The following KCMF1 variants were observed in gnomAD, a reference collection of about 807,000 sequenced individuals.
KCMF1 encodes potassium channel modulatory factor 1.
In KCMF1, 3 loss-of-function variants were observed where a neutral mutation model predicts 41.1. The ratio of observed to expected loss-of-function variants is 0.07; its 90% confidence interval spans 0.03 to 0.19. The LOEUF (loss-of-function observed/expected upper bound fraction) is 0.19. Among genes scored for constraint, KCMF1 ranks in the 10% least tolerant of loss-of-function variants. The probability of loss-of-function intolerance (pLI) is 1.00; values close to 1 mark genes in which losing one functional copy is unlikely to be tolerated. For synonymous variants in KCMF1, 142 were observed against 164.5 expected (o/e 0.86, Z 1.04); for missense variants, 286 against 488.9 (o/e 0.58, Z 3.91).
intron 3 of KCMF1, among the ~76,000 whole-genome samples, chr2:85,036,208 C>T (rs1675399331): frequency 6.6e-6 from 1 of 152,170 alleles, no homozygotes; most frequent in Admixed American, 6.5e-5. Flanking sequence ...AGACATCAAG[C>T]CAAATTTTGC....
chr2:85,015,914 C>A (rs1249011043), intron 1 of KCMF1, among the ~76,000 whole-genome samples: 1 of 152,138 alleles, frequency 6.6e-6, no homozygotes, highest in East Asian at 1.9e-4. Context: ...GTGTCCTCAG[C>A]AAATATTTTT....
intron 1 of KCMF1, among the ~76,000 whole-genome samples, chr2:84,991,418 C>T (rs1198820496): frequency 2.0e-5 from 3 of 152,196 alleles, no homozygotes; most frequent in African/African-American, 7.2e-5. Context: ...AATACATGCT[C>T]AGCAGCAATA....
At chr2:84,992,847 C>G (rs1487078523) in intron 1 of KCMF1, among the ~76,000 whole-genome samples, 1 of 152,232 alleles carries the variant, frequency 6.6e-6, no homozygotes, top group East Asian at 1.9e-4. Context: ...GTCTCGATCT[C>G]CTGACCTTGT....
In KCMF1 at chr2:85,043,552, CT is replaced by C. The variant is rs767316137; in HGVS notation, c.325-10del. The stretch of plus-strand genomic sequence containing the variant: ...TTCATTTATTAAGCTGCTTTCTTTA[CT>C]TCCATTTCAGATTTGTCCAATATGT... On this transcript the variant is annotated splice_polypyrimidine_tract_variant and intron_variant, in intron 3 of 6. Coordinates refer to ENST00000409785, the MANE Select transcript of KCMF1 (RefSeq NM_020122.5). The C allele has an allele frequency of 6.6e-6, 10 of 1,523,110 alleles. No individual in the cohort carries two copies. The East Asian group carries it at 2.0e-4, about 31-fold the overall frequency. The allele number at this position is 1,523,110 out of a possible 1,614,324, so 94.3% of individuals were successfully genotyped here. A position where few individuals can be genotyped will look rare whatever the true frequency, so the allele number is the denominator to read the frequency against.
intron 1 of KCMF1, among the ~76,000 whole-genome samples, chr2:85,027,633 C>T (rs1052257346): frequency 1.3e-5 from 2 of 152,024 alleles, no homozygotes; most frequent in Admixed American, 6.6e-5. Context: ...CCTCGACCCC[C>T]GCAAAGTGCT....
intron 1 of KCMF1, among the ~76,000 whole-genome samples, chr2:84,994,363 A>G (rs888409932): frequency 6.6e-6 from 1 of 152,126 alleles, no homozygotes; most frequent in Admixed American, 6.5e-5. Flanking sequence ...GTGTGTGTAT[A>G]TGGAATTGCA....
chr2:84,994,593 G>T (rs1180938661), intron 1 of KCMF1, among the ~76,000 whole-genome samples: 1 of 151,764 alleles, frequency 6.6e-6, no homozygotes, highest in Non-Finnish European at 1.5e-5. Context: ...AGTAGAAACG[G>T]GGTTTCTCCA....
chr2:85,028,784 G>A (rs575162421), intron 2 of KCMF1, among the ~76,000 whole-genome samples: 2 of 151,698 alleles, frequency 1.3e-5, no homozygotes, highest in South Asian at 2.1e-4. Flanking sequence ...CACCGCGCCC[G>A]GCCTTACTTT....
chr2:84,990,026 T>C lies in KCMF1; in HGVS notation c.16+18559T>C, dbSNP rs536329825. Among the ~76,000 whole-genome samples the C allele has an allele frequency of 2.2e-4, 34 of 152,294 alleles. 2 individuals carry two copies. In the East Asian group the frequency reaches 6.6e-3, roughly 29 times the overall value. ...GGAGGACCAGGTGAGAGTATTGGTG[T>C]TGAAACTTAAGAAGATGATTTTCCT... is the stretch of plus-strand genomic sequence containing the variant. On this transcript the variant is annotated intron_variant, in intron 1 of 6. Transcript: ENST00000409785.
intron 1 of KCMF1, among the ~76,000 whole-genome samples, chr2:85,014,369 A>G (rs1323980552): frequency 6.6e-6 from 1 of 152,136 alleles, no homozygotes; most frequent in African/African-American, 2.4e-5. Context: ...TTATCAAAAG[A>G]TATGCTTCAG....
At chr2:85,007,647 A>C (rs1006061918) in intron 1 of KCMF1, among the ~76,000 whole-genome samples, 1 of 152,238 alleles carries the variant, frequency 6.6e-6, no homozygotes, top group Non-Finnish European at 1.5e-5. Context: ...AGCCAAGTCC[A>C]GATAAGATAC....
In KCMF1 at chr2:85,042,052, T is replaced by G. The variant is rs117417961; in HGVS notation, c.325-1512T>G. Among the ~76,000 whole-genome samples the G allele has an allele frequency of 2.4e-4, 36 of 152,338 alleles. No individual in the cohort carries two copies. The East Asian group carries it at 3.1e-3, about 13-fold the overall frequency. On this transcript the variant is annotated intron_variant, in intron 3 of 6. Coordinates refer to ENST00000409785, the MANE Select transcript of KCMF1 (RefSeq NM_020122.5). ...AGAGGAAAGAATCTGACCACCTTCC[T>G]GGCATCTTCTAAGAAAGGCATAGGC...
At chr2:85,035,547 G>T (rs1364318564) in intron 3 of KCMF1, among the ~76,000 whole-genome samples, 6 of 152,142 alleles carry the variant, frequency 3.9e-5, no homozygotes, top group Non-Finnish European at 1.5e-5. Flanking sequence ...AAAACCTTTG[G>T]TAGTATCATA....
chr2:84,997,360 C>T (rs1283220467), intron 1 of KCMF1, among the ~76,000 whole-genome samples: 1 of 152,126 alleles, frequency 6.6e-6, no homozygotes, highest in African/African-American at 2.4e-5. Flanking sequence ...TTATTATAGA[C>T]ATATCCTCTG....
chr2:85,025,149 G>A (rs1675060588), intron 1 of KCMF1, among the ~76,000 whole-genome samples: 1 of 152,100 alleles, frequency 6.6e-6, no homozygotes, highest in South Asian at 2.1e-4. Context: ...TTAAATTTTG[G>A]TTATTAATTG....
At chr2:85,023,821 A>G (rs1057338794) in intron 1 of KCMF1, among the ~76,000 whole-genome samples, 6 of 152,348 alleles carry the variant, frequency 3.9e-5, no homozygotes, top group African/African-American at 4.8e-5. Flanking sequence ...TTACACTCCT[A>G]CCAGCAGGGT....
At chr2:85,005,226 G>A (rs1674438166) in intron 1 of KCMF1, among the ~76,000 whole-genome samples, 2 of 151,060 alleles carry the variant, frequency 1.3e-5, no homozygotes, top group South Asian at 4.2e-4. Context: ...ATTTTTAATT[G>A]ACACATCATA....
chr2:85,039,603 A>G (rs574940906), intron 3 of KCMF1, among the ~76,000 whole-genome samples: 33 of 152,268 alleles, frequency 2.2e-4, no homozygotes, highest in African/African-American at 7.7e-4. Context: ...GCTGGCTGGT[A>G]GTCATGCCCT....
intron 1 of KCMF1, 88 bp downstream of exon 1, chr2:84,971,555 G>A: frequency 1.3e-6 from 1 of 753,780 alleles, no homozygotes; most frequent in Non-Finnish European, 1.7e-6. Context: ...GCCGGGAAGC[G>A]GCGGAGACTT....
Sources: allele counts gnomAD v4.1 joint callset (sites outside exome capture counted in the v4.1 genomes callset), GRCh38; gene constraint gnomAD v4.1.1; transcripts MANE v1.5; gene names NCBI Gene and HGNC (gene_info 2026-07-23, HGNC 2026-07-21).